SIN3B: variants seen among roughly 807,000 people sequenced by gnomAD.
The protein encoded by SIN3B is SIN3 transcription regulator family member B, also known as paired amphipathic helix protein Sin3b.
In SIN3B, 19 loss-of-function variants were observed where a neutral mutation model predicts 120.2. The ratio of observed to expected loss-of-function variants is 0.16; its 90% CI spans 0.11 to 0.23. The LOEUF is 0.23. Ranked by LOEUF, SIN3B falls within the 10% of genes least tolerant of loss-of-function variation. The pLI is 1.00. For synonymous variants in SIN3B, 654 were observed against 653.2 expected (o/e 1.00, Z -0.02); for missense variants, 1,073 against 1,573.0 (o/e 0.68, Z 5.38).
rs770150574 is a variant in SIN3B, at chr19:16,876,470, C to G, written c.2767-16C>G. ...CTGTGCCGGCAGTGGAGGCTGTCAGCGTTCCTGCTCCGCAGGTGATGTTCC... is the reference window on the plus strand; with the variant it reads ...CTGTGCCGGCAGTGGAGGCTGTCAGGGTTCCTGCTCCGCAGGTGATGTTCC... On this transcript the variant is annotated splice_polypyrimidine_tract_variant and intron_variant, in intron 15 of 18. Coordinates refer to ENST00000248054, the MANE Select transcript of SIN3B (RefSeq NM_001297595.2). This position sits in a 1 kb window ranked among gnomAD's most constrained non-coding sequence, Gnocchi z 7.1. 2 of 1,608,542 alleles carry G rather than the reference C, an allele frequency of 1.2e-6. No homozygotes were observed. The highest frequency in any genetic ancestry group is 1.7e-6 in the Non-Finnish European group (2 of 1,176,436).
At position 16,869,687 on chromosome 19, in the gene SIN3B, G is replaced by A; in HGVS notation, c.2034G>A (p.Glu678=). The A allele has an allele frequency of 3.1e-6, 5 of 1,613,564 alleles. No individual in the cohort carries two copies. Among genetic ancestry groups the A allele is most frequent in the Non-Finnish European group, 3.4e-6 (4 of 1,180,020 alleles). The change falls in exon 13 of 19, where the codon GAG becomes GAA. Residue 678 remains glutamate (E), a synonymous_variant. Coordinates refer to ENST00000248054, the MANE Select transcript of SIN3B (RefSeq NM_001297595.2). The part of the protein sequence containing the change: ...FSQQLDLGAS[E]ESADEDRDSP... ...AGCAGCTGGACCTGGGCGCCTCCGA[G>A]GAGTCAGCTGATGAGGACCGGGACA...
chr19:16,875,991 G>A, intron 14 of SIN3B, 64 bp from the exon 15 acceptor site: 1 of 1,496,432 alleles, frequency 6.7e-7, no homozygotes, highest in Non-Finnish European at 8.9e-7. Context: ...GACTTCCTCT[G>A]TGGGTGAGGT....
chr19:16,871,968 G>A (rs1345925763), intron 14 of SIN3B, among the ~76,000 whole-genome samples: 1 of 152,136 alleles, frequency 6.6e-6, no homozygotes, highest in Non-Finnish European at 1.5e-5. Context: ...CTGAGGGAGG[G>A]TGGGAATAGT....
intron 3 of SIN3B, among the ~76,000 whole-genome samples, chr19:16,835,423 T>A (rs1388415430): frequency 1.3e-5 from 2 of 151,766 alleles, no homozygotes; most frequent in African/African-American, 4.8e-5. Flanking sequence ...GAGATGGGAT[T>A]TCACCATGTT....
At chr19:16,836,727 G>T (rs1328678035) in intron 3 of SIN3B, among the ~76,000 whole-genome samples, 1 of 152,128 alleles carries the variant, frequency 6.6e-6, no homozygotes, top group Non-Finnish European at 1.5e-5. Context: ...TCCTCTTCAG[G>T]GCAGACCCTG....
intron 3 of SIN3B, among the ~76,000 whole-genome samples, chr19:16,840,708 C>T (rs1243217124): frequency 2.6e-5 from 4 of 152,176 alleles, no homozygotes; most frequent in Non-Finnish European, 5.9e-5. Context: ...TCCCTTCATC[C>T]GTTCACCTGA....
rs757461026 is a variant in SIN3B at position 16,871,386 on chromosome 19, C to T, written c.2580C>T (p.Asn860=). 4 of 1,606,060 alleles carry T rather than the reference C, an allele frequency of 2.5e-6. No individual in the cohort carries two copies. The highest frequency in any genetic ancestry group is 2.6e-6 in the Non-Finnish European group (3 of 1,175,194). ...VGFTMDKLVQ[N]IARQLHHLVS... ...TCACCATGGACAAGCTGGTGCAGAACATTGCGCGGCAGGTGAGCCGGGCCG... is the reference window on the plus strand; with the variant it reads ...TCACCATGGACAAGCTGGTGCAGAATATTGCGCGGCAGGTGAGCCGGGCCG... The change falls in exon 14 of 19, where the codon AAC becomes AAT. Residue 860 remains asparagine, a synonymous_variant. Coordinates refer to ENST00000248054, the MANE Select transcript of SIN3B (RefSeq NM_001297595.2).
chr19:16,865,677 C>T lies in SIN3B; in HGVS notation c.1622+29C>T, dbSNP rs371648526. On this transcript the variant is annotated intron_variant, in intron 11 of 18. Coordinates refer to ENST00000248054, the MANE Select transcript of SIN3B (RefSeq NM_001297595.2). ...CCCTGTGGCGTCCCGACTTCCCTTC[C>T]CCTTCCCCTTCCCCCTTCCCTCCCC... The T allele has an allele frequency of 1.7e-5, 25 of 1,430,482 alleles. No individual in the cohort carries two copies. The African/African-American group carries it at 2.4e-4, about 14-fold the overall frequency. The allele number at this position is 1,430,482 out of a possible 1,614,324, so 88.6% of individuals were successfully genotyped here.
rs1281224644 is a variant in SIN3B at position 16,851,402 on chromosome 19, G to A, written c.727-10G>A. On this transcript the variant is annotated splice_polypyrimidine_tract_variant and intron_variant, in intron 5 of 18. Coordinates refer to ENST00000248054, the MANE Select transcript of SIN3B (RefSeq NM_001297595.2). Reference sequence around the variant, plus strand: ...CTCCGGTGCTGACCACCTCCCACATGTGTCCTTAGTTCACAGGAAACGGGC... The same window carrying A: ...CTCCGGTGCTGACCACCTCCCACATATGTCCTTAGTTCACAGGAAACGGGC... 3 of 1,587,660 alleles carry A rather than the reference G, an allele frequency of 1.9e-6. No homozygotes were observed. Among genetic ancestry groups the A allele is most frequent in the Admixed American group, 1.7e-5 (1 of 57,174 alleles).
At chr19:16,857,955 C>T (rs1321891802) in intron 8 of SIN3B, among the ~76,000 whole-genome samples, 1 of 152,178 alleles carries the variant, frequency 6.6e-6, no homozygotes, top group Non-Finnish European at 1.5e-5. Flanking sequence ...CAGCTCACTG[C>T]AACCTCTGTC....
chr19:16,855,516 T>G (rs1971603651), intron 8 of SIN3B: 1 of 150,518 alleles, frequency 6.6e-6, no homozygotes, highest in African/African-American at 2.5e-5. Flanking sequence ...AGGTCAGGAG[T>G]TGGAGACAAG....
rs747213827 is a variant in SIN3B at position 16,829,838 on chromosome 19, C to T, written c.168C>T (p.Gly56=). ...TGGACCAGGTGAAGATCCGCTTTGG[C>T]AGCGACCCTGCCACCTACAACGGCT... is the stretch of plus-strand genomic sequence containing the variant. The part of the protein sequence containing the change: ...TYLDQVKIRF[G]SDPATYNGFL... The change falls in exon 2 of 19, where the codon GGC becomes GGT. Residue 56 remains glycine (G), a synonymous_variant. Transcript: ENST00000248054. 26 of 1,613,728 alleles carry T rather than the reference C, an allele frequency of 1.6e-5. No homozygotes were observed. The highest frequency in any genetic ancestry group is 3.3e-4 in the Middle Eastern group (2 of 6,062).
In SIN3B at chr19:16,869,735, C is replaced by T. The variant is rs1426686289; in HGVS notation, c.2082C>T (p.Asp694=). 1.9e-6 allele frequency: 3 copies of T among 1,613,384 alleles called. No individual in the cohort carries two copies. Among genetic ancestry groups the T allele is most frequent in the Admixed American group, 1.7e-5 (1 of 60,032 alleles). ...ACAGCCCCCAGGGGCAGACCACAGA[C>T]CCCAGTGAGCGGAAGAAGCCGGCGC... ...DRDSPQGQTT[D]PSERKKPAPG... is the part of the protein sequence containing the mutation. Residue 694 remains aspartate, a synonymous_variant, in exon 13 of 19, where the codon GAC becomes GAT. Coordinates refer to ENST00000248054, the MANE Select transcript of SIN3B (RefSeq NM_001297595.2).
chr19:16,875,876 CTGGTCTGGTCTGTT>C, intron 14 of SIN3B, 165 bp from the exon 15 acceptor site: 8 of 705,544 alleles, frequency 1.1e-5, no homozygotes, highest in Non-Finnish European at 1.9e-5. Flanking sequence ...CTGGTCTGGT[CTGGTCTGGTCTGTT>C]TGGTCTGGTC....
At chr19:16,858,988 TAGTG>T (rs1971652485) in intron 8 of SIN3B, among the ~76,000 whole-genome samples, 1 of 151,814 alleles carries the variant, frequency 6.6e-6, no homozygotes, top group South Asian at 2.1e-4. Flanking sequence ...CTGGGCAACA[TAGTG>T]AGACCTCGTC....
rs1267672108 is a variant in SIN3B at position 16,878,715 on chromosome 19, G to GGCC, written c.3382_3384dup (p.Ala1128dup). On this transcript the variant is annotated inframe_insertion, in exon 19 of 19. Coordinates refer to ENST00000248054, the MANE Select transcript of SIN3B (RefSeq NM_001297595.2). ...ACCGCGTGCAGTACAGCCGCCGCCC[G>GGCC]GCCTCGCCCTGACCCGCCCTCATGG... 2.3e-5 allele frequency: 37 copies of GGCC among 1,601,808 alleles called. No individual in the cohort carries two copies. The East Asian group carries it at 7.9e-4, about 34-fold the overall frequency.
In SIN3B at chr19:16,863,667, C is replaced by T. The variant is rs756512601; in HGVS notation, c.1267-13C>T. On this transcript the variant is annotated splice_polypyrimidine_tract_variant and intron_variant, in intron 9 of 18. Transcript: ENST00000248054. ...GCATGCAGCGTCATTCACGGCATTT[C>T]CTCTTGGTGCAGGTACTGAACGACA... 3 of 1,567,738 alleles carry T rather than the reference C, an allele frequency of 1.9e-6. No homozygotes were observed. Among genetic ancestry groups the T allele is most frequent in the South Asian group, 1.1e-5 (1 of 90,154 alleles).
rs2051614213 is a variant in SIN3B at position 16,876,767 on chromosome 19, G to C, written c.2859+189G>C. ...CTGCTCCCCCACCAGGCTCTCTTCT[G>C]TGCCCCCTCTCCAAAGAGCAGACCA... is the stretch of plus-strand genomic sequence containing the variant. On this transcript the variant is annotated intron_variant, in intron 16 of 18. Transcript: ENST00000248054. The surrounding 1 kb of genome is among the most constrained non-coding windows in gnomAD (Gnocchi z 7.1). 6.6e-6 allele frequency among the ~76,000 whole-genome samples: 1 copy of C among 152,124 alleles called. No homozygotes were observed. Among genetic ancestry groups the C allele is most frequent in the African/African-American group, 2.4e-5 (1 of 41,432 alleles).
intron 3 of SIN3B, among the ~76,000 whole-genome samples, chr19:16,836,003 A>G (rs1463381797): frequency 6.6e-6 from 1 of 151,966 alleles, no homozygotes; most frequent in Non-Finnish European, 1.5e-5. Flanking sequence ...TCCCCCCCCA[A>G]TTTTATCACA....
Sources: allele counts gnomAD v4.1 joint callset (sites outside exome capture counted in the v4.1 genomes callset), GRCh38; gene constraint gnomAD v4.1.1; non-coding constraint Gnocchi (gnomAD v3.1); transcripts MANE v1.5; gene names NCBI Gene and HGNC (gene_info 2026-07-23, HGNC 2026-07-21).